FAM227B: variants seen among roughly 807,000 people sequenced by gnomAD.
The protein encoded by FAM227B is protein FAM227B.
In FAM227B, 88 loss-of-function variants were observed where a neutral mutation model predicts 73.8. That is an observed-to-expected ratio of 1.19 (90% CI 1.00 to 1.42). The LOEUF is 1.42. FAM227B is among the 40% of genes most tolerant of loss of function. The pLI is 0.00. For synonymous variants in FAM227B, 210 were observed against 190.5 expected (o/e 1.10, Z -0.84); for missense variants, 632 against 590.9 (o/e 1.07, Z -0.72).
rs185386089 is a variant in FAM227B at position 49,386,218 on chromosome 15, A to G, written c.1013-14819T>C. 3.9e-5 allele frequency among the ~76,000 whole-genome samples: 6 copies of G among 151,924 alleles called. No individual in the cohort carries two copies. The East Asian group carries it at 9.6e-4, about 24-fold the overall frequency. ...ACACATTCTTCTCATGAGCACGTGGAACATTCTCCAAGACAGACCATATAA... is the reference window on the plus strand; with the variant it reads ...ACACATTCTTCTCATGAGCACGTGGGACATTCTCCAAGACAGACCATATAA... On this transcript the variant is annotated intron_variant, in intron 11 of 15. Coordinates refer to ENST00000299338, the MANE Select transcript of FAM227B (RefSeq NM_152647.3).
chr15:49,556,174 C>CA (rs966949221), intron 9 of FAM227B, among the ~76,000 whole-genome samples: 2 of 152,182 alleles, frequency 1.3e-5, no homozygotes, highest in Non-Finnish European at 2.9e-5. Context: ...AGAGTTCTTG[C>CA]ACTTGTTCCT....
At chr15:49,618,229 T>A (rs571344551) in intron 1 of FAM227B, among the ~76,000 whole-genome samples, 1 of 152,336 alleles carries the variant, frequency 6.6e-6, no homozygotes, top group East Asian at 1.9e-4. Context: ...TATTAGAGAA[T>A]GTAGTTCATT....
At chr15:49,550,054 T>G (rs566865466) in intron 9 of FAM227B, among the ~76,000 whole-genome samples, 17,733 of 74,188 alleles carry the variant, frequency 0.24, 4,297 homozygotes, top group Non-Finnish European at 0.33. Flanking sequence ...CTGGCCGGGC[T>G]GGGGGCTGAT....
At chr15:49,466,979 G>A (rs1006625094) in intron 11 of FAM227B, among the ~76,000 whole-genome samples, 13 of 152,006 alleles carry the variant, frequency 8.6e-5, no homozygotes, top group African/African-American at 2.7e-4. Context: ...ACTTTAAATC[G>A]TGCTTTAATT....
chr15:49,471,100 AC>A lies in FAM227B; in HGVS notation c.1012+37110del, dbSNP rs570763876. ...CTACAGCTTATTAGAAAAGATAAGT[AC>A]TTTTAAAGGGAGTAGAAAAACTAAT... is the stretch of plus-strand genomic sequence containing the variant. On this transcript the variant is annotated intron_variant, in intron 11 of 15. Coordinates refer to ENST00000299338, the MANE Select transcript of FAM227B (RefSeq NM_152647.3). Among the ~76,000 whole-genome samples, 553 of 152,334 alleles carry A rather than the reference AC, an allele frequency of 3.6e-3. 3 individuals are homozygous for A. Among genetic ancestry groups the A allele is most frequent in the African/African-American group, 0.013 (530 of 41,580 alleles).
chr15:49,331,531 G>A, intron 15 of FAM227B: 1 of 419,062 alleles, frequency 2.4e-6, no homozygotes, highest in Non-Finnish European at 4.2e-6. Context: ...AACTGCATTT[G>A]GAGCTTTTCA....
At position 49,327,352 on chromosome 15, in the gene FAM227B, A is replaced by T. The variant is rs1225931447; in HGVS notation, c.*1216T>A. ...TTGGTTAATTTTCCATTAGAGATTC[A>T]ACCAACCACCGACCCAACCTGGAGT... On this transcript the variant is annotated 3_prime_UTR_variant, in exon 16 of 16. Coordinates refer to ENST00000299338, the MANE Select transcript of FAM227B (RefSeq NM_152647.3). The T allele has an allele frequency of 6.6e-6, 1 of 152,204 alleles. No individual in the cohort carries two copies. Among genetic ancestry groups the T allele is most frequent in the Non-Finnish European group, 1.5e-5 (1 of 68,052 alleles). 9.4% of individuals were successfully genotyped at this position (152,204 alleles called of 1,614,324 possible).
intron 11 of FAM227B, among the ~76,000 whole-genome samples, chr15:49,404,783 T>G (rs2048404107): frequency 6.6e-6 from 1 of 152,090 alleles, no homozygotes; most frequent in African/African-American, 2.4e-5. Flanking sequence ...TATTATTGTG[T>G]GTAGATTTGA....
At chr15:49,542,372 A>C (rs182602154) in intron 9 of FAM227B, among the ~76,000 whole-genome samples, 3 of 152,098 alleles carry the variant, frequency 2.0e-5, no homozygotes, top group African/African-American at 4.8e-5. Flanking sequence ...AGTGGTATCT[A>C]ATTGCATGGA....
intron 2 of FAM227B, among the ~76,000 whole-genome samples, chr15:49,613,328 C>A (rs1422111863): frequency 6.6e-6 from 1 of 152,074 alleles, no homozygotes; most frequent in African/African-American, 2.4e-5. Flanking sequence ...ACCAGCCTGG[C>A]CAACACGGTA....
chr15:49,354,700 CA>C (rs1343208553), intron 13 of FAM227B, among the ~76,000 whole-genome samples: 1 of 152,224 alleles, frequency 6.6e-6, no homozygotes, highest in Non-Finnish European at 1.5e-5. Flanking sequence ...ATTAGGTAAA[CA>C]AAACAGTCGG....
intron 13 of FAM227B, among the ~76,000 whole-genome samples, chr15:49,347,471 CTT>C (rs1181539147): frequency 6.6e-6 from 1 of 152,132 alleles, no homozygotes; most frequent in East Asian, 1.9e-4. Flanking sequence ...ATTTCCCTGT[CTT>C]TGCTATTAGA....
chr15:49,580,911 AAATAACTCAGT>A (rs2075769559), intron 5 of FAM227B, among the ~76,000 whole-genome samples: 1 of 152,216 alleles, frequency 6.6e-6, no homozygotes, highest in Non-Finnish European at 1.5e-5. Context: ...TGCTTCTCAG[AAATAACTCAGT>A]CACACAAAAA....
At chr15:49,482,655 T>A (rs1254046382) in intron 11 of FAM227B, among the ~76,000 whole-genome samples, 2 of 152,080 alleles carry the variant, frequency 1.3e-5, no homozygotes, top group Non-Finnish European at 2.9e-5. Flanking sequence ...AAATTCCAGT[T>A]CTGCTACTTA....
At chr15:49,535,744 C>G (rs1166166178) in intron 10 of FAM227B, among the ~76,000 whole-genome samples, 2 of 151,720 alleles carry the variant, frequency 1.3e-5, no homozygotes, top group Non-Finnish European at 3.0e-5. Flanking sequence ...CCCTAGCATG[C>G]AAGGCTGGTT....
chr15:49,581,499 G>C (rs1050914627), intron 5 of FAM227B, among the ~76,000 whole-genome samples: 2 of 152,114 alleles, frequency 1.3e-5, no homozygotes, highest in East Asian at 3.9e-4. Flanking sequence ...TGTATTTTTA[G>C]TAGAGATGGG....
At chr15:49,567,528 G>T (rs1467911409) in intron 9 of FAM227B, among the ~76,000 whole-genome samples, 1 of 152,062 alleles carries the variant, frequency 6.6e-6, no homozygotes, top group Non-Finnish European at 1.5e-5. Context: ...GTGAATTTAG[G>T]CTTGTTTATA....
At chr15:49,331,703 G>A in intron 15 of FAM227B, 77 bp downstream of exon 15, 2 of 907,294 alleles carry the variant, frequency 2.2e-6, no homozygotes, top group Non-Finnish European at 3.7e-6. Context: ...ACCATACATT[G>A]CTTATGAAAT....
chr15:49,562,879 C>T (rs537270345), intron 9 of FAM227B, among the ~76,000 whole-genome samples: 1 of 152,074 alleles, frequency 6.6e-6, no homozygotes, highest in African/African-American at 2.4e-5. Flanking sequence ...ATGACAAACC[C>T]ACAGCCAATA....
Sources: gnomAD v4.1 joint callset for allele counts (sites outside exome capture counted in the v4.1 genomes callset) on GRCh38, gnomAD v4.1.1 for gene constraint, MANE v1.5 for transcripts, NCBI Gene and HGNC (gene_info 2026-07-23, HGNC 2026-07-21) for gene names.